The following KLHL2 variants were observed in gnomAD, a reference collection of about 807,000 sequenced individuals.
KLHL2 encodes the protein kelch-like protein 2.
KLHL2 carries 15 observed loss-of-function variants against 75.8 expected under a neutral mutation model. The observed-to-expected ratio is 0.20, with a 90% CI of 0.13 to 0.30. KLHL2 has a LOEUF of 0.30. Among genes scored for constraint, KLHL2 ranks in the 10% least tolerant of loss-of-function variants. The pLI is 1.00. For synonymous variants in KLHL2, 214 were observed against 251.9 expected (o/e 0.85, Z 1.42); for missense variants, 381 against 741.0 (o/e 0.51, Z 5.64).
chr4:165,288,793 G>A (rs917942944), intron 5 of KLHL2, among the ~76,000 whole-genome samples: 1 of 149,124 alleles, frequency 6.7e-6, no homozygotes, highest in Non-Finnish European at 1.5e-5. Context: ...CCCACCAGCA[G>A]TATGAAATAG....
In KLHL2 at chr4:165,228,773, T is replaced by A. The variant is rs1044996649; in HGVS notation, c.153-34T>A. The A allele has an allele frequency of 2.2e-6, 3 of 1,368,892 alleles. No individual in the cohort carries two copies. In the African/African-American group the frequency reaches 4.3e-5, roughly 20 times the overall value. 84.8% of individuals were successfully genotyped at this position (1,368,892 alleles called of 1,614,324 possible). ...ATGTTCAATACATTCGTTGTTGATA[T>A]CATTTAAATTTTTTCTCTCTGCTTT... is the stretch of plus-strand genomic sequence containing the variant. On this transcript the variant is annotated intron_variant, in intron 2 of 14. Coordinates refer to ENST00000226725, the MANE Select transcript of KLHL2 (RefSeq NM_007246.4).
chr4:165,276,509 A>C lies in KLHL2; in HGVS notation c.544+13150A>C, dbSNP rs145090275. ...CATTGCTCTCACTGCCATCAGCCTAACTTTTTTTTTTTTCACTGTTTATTA... is the reference window on the plus strand; with the variant it reads ...CATTGCTCTCACTGCCATCAGCCTACCTTTTTTTTTTTTCACTGTTTATTA... On this transcript the variant is annotated intron_variant, in intron 5 of 14. Transcript: ENST00000226725. Among the ~76,000 whole-genome samples, 794 of 149,628 alleles carry C rather than the reference A, an allele frequency of 5.3e-3. 8 individuals carry two copies. Among genetic ancestry groups the C allele is most frequent in the African/African-American group, 0.018 (746 of 40,534 alleles).
In KLHL2 at chr4:165,257,661, CAG is replaced by C. The variant is rs572037175; in HGVS notation, c.382-5533_382-5532del. Among the ~76,000 whole-genome samples, 21 of 152,326 alleles carry C rather than the reference CAG, an allele frequency of 1.4e-4. No homozygotes were observed. The South Asian group carries it at 3.1e-3, about 23-fold the overall frequency. On this transcript the variant is annotated intron_variant, in intron 4 of 14. Transcript: ENST00000226725. ...TCTGGTACATATACATTCCTAGAAA[CAG>C]AGCTTGTAATTTTGTCTCAAAGGAC...
At chr4:165,216,922 A>G (rs750463771) in intron 1 of KLHL2, among the ~76,000 whole-genome samples, 4 of 152,098 alleles carry the variant, frequency 2.6e-5, no homozygotes, top group Non-Finnish European at 5.9e-5. Context: ...AAAAAGGAGG[A>G]GCTGAAAATA....
chr4:165,223,537 G>T (rs1340965300), intron 2 of KLHL2, among the ~76,000 whole-genome samples: 1 of 152,204 alleles, frequency 6.6e-6, no homozygotes, highest in African/African-American at 2.4e-5. Flanking sequence ...TGAATCAAGG[G>T]TTCATCCTGG....
intron 13 of KLHL2, among the ~76,000 whole-genome samples, chr4:165,314,646 G>A (rs966418410): frequency 1.4e-4 from 22 of 152,180 alleles, no homozygotes; most frequent in Admixed American, 1.3e-4. Context: ...GGTAACCCTA[G>A]CTTAATACAG....
At chr4:165,229,652 A>G (rs1738723819) in intron 3 of KLHL2, among the ~76,000 whole-genome samples, 1 of 152,260 alleles carries the variant, frequency 6.6e-6, no homozygotes, top group Non-Finnish European at 1.5e-5. Context: ...AGGCATACAA[A>G]AACAATGTGA....
At chr4:165,258,986 C>T (rs899480646) in intron 4 of KLHL2, among the ~76,000 whole-genome samples, 4 of 152,100 alleles carry the variant, frequency 2.6e-5, no homozygotes, top group Non-Finnish European at 5.9e-5. Flanking sequence ...TTTTTCTCTA[C>T]AGTGAGTCAA....
intron 5 of KLHL2, among the ~76,000 whole-genome samples, chr4:165,269,040 G>C (rs1187260899): frequency 3.3e-5 from 5 of 152,130 alleles, no homozygotes; most frequent in Non-Finnish European, 7.4e-5. Context: ...TATTCTTGTT[G>C]AATTGATCCC....
chr4:165,226,622 T>A (rs1045971382), intron 2 of KLHL2, among the ~76,000 whole-genome samples: 1 of 152,158 alleles, frequency 6.6e-6, no homozygotes, highest in African/African-American at 2.4e-5. Flanking sequence ...AAACTTTGAT[T>A]TTTAAAAATA....
intron 5 of KLHL2, among the ~76,000 whole-genome samples, chr4:165,264,031 T>C (rs904212358): frequency 1.3e-5 from 2 of 152,124 alleles, no homozygotes; most frequent in Non-Finnish European, 2.9e-5. Context: ...CTTTAGCTGC[T>C]CTTCAGGCCC....
At chr4:165,222,548 A>G (rs960349890) in intron 2 of KLHL2, among the ~76,000 whole-genome samples, 8 of 152,160 alleles carry the variant, frequency 5.3e-5, no homozygotes, top group Non-Finnish European at 1.0e-4. Flanking sequence ...TGCCAGGTCT[A>G]TAACCCGGAT....
intron 4 of KLHL2, among the ~76,000 whole-genome samples, chr4:165,257,824 A>G (rs562752002): frequency 6.6e-6 from 1 of 152,168 alleles, no homozygotes; most frequent in South Asian, 2.1e-4. Context: ...ACTGCCACAG[A>G]GCTTACATTC....
At chr4:165,261,560 A>C (rs1258897652) in intron 4 of KLHL2, among the ~76,000 whole-genome samples, 1 of 152,132 alleles carries the variant, frequency 6.6e-6, no homozygotes, top group Non-Finnish European at 1.5e-5. Flanking sequence ...GGTGGTCTCA[A>C]ACTCCTGACC....
At chr4:165,310,928 C>T (rs1746122937) in intron 10 of KLHL2, among the ~76,000 whole-genome samples, 178 bp downstream of exon 10, 3 of 150,014 alleles carry the variant, frequency 2.0e-5, no homozygotes, top group South Asian at 4.2e-4. Context: ...AATCTCGGCT[C>T]ACTGCAAGCT....
intron 5 of KLHL2, among the ~76,000 whole-genome samples, chr4:165,274,192 A>G (rs1410692841): frequency 6.6e-6 from 1 of 152,210 alleles, no homozygotes; most frequent in Non-Finnish European, 1.5e-5. Flanking sequence ...CAATACATAC[A>G]TACATATATA....
At chr4:165,240,068 A>G (rs568006009) in intron 4 of KLHL2, among the ~76,000 whole-genome samples, 17 of 152,184 alleles carry the variant, frequency 1.1e-4, no homozygotes, top group Non-Finnish European at 4.4e-5. Context: ...CCCAAATTTT[A>G]TAAGCTGGAT....
chr4:165,268,021 C>T (rs1166678774), intron 5 of KLHL2, among the ~76,000 whole-genome samples: 8 of 152,146 alleles, frequency 5.3e-5, no homozygotes, highest in Non-Finnish European at 1.2e-4. Context: ...GATTCAGCTT[C>T]TTCCTGGTTT....
intron 8 of KLHL2, among the ~76,000 whole-genome samples, chr4:165,300,808 C>T (rs1272375432): frequency 1.3e-5 from 2 of 152,118 alleles, no homozygotes; most frequent in Non-Finnish European, 2.9e-5. Context: ...TCTGTTCTCT[C>T]GTTTTCTTAT....
Sources: gnomAD v4.1 joint callset for allele counts (sites outside exome capture counted in the v4.1 genomes callset) on GRCh38, gnomAD v4.1.1 for gene constraint, MANE v1.5 for transcripts, NCBI Gene and HGNC (gene_info 2026-07-23, HGNC 2026-07-21) for gene names.